Variants in EVI5 observed in about 807,000 individuals in gnomAD.
The protein encoded by EVI5 is ecotropic viral integration site 5 protein homolog.
In EVI5, 73 loss-of-function variants were observed where a neutral mutation model predicts 112.0. The observed-to-expected ratio is 0.65, with a 90% confidence interval of 0.54 to 0.79. The LOEUF (loss-of-function observed/expected upper bound fraction) is 0.79. EVI5 is among the 30% of genes least tolerant of loss of function. The pLI is 0.00. For synonymous variants in EVI5, 305 were observed against 319.9 expected, an observed-to-expected ratio of 0.95 and a Z score of 0.50; for missense variants, 900 against 968.8, an observed-to-expected ratio of 0.93 and a Z score of 0.94.
intron 9 of EVI5, among the ~76,000 whole-genome samples, chr1:92,686,852 T>G (rs11805229): frequency 0.2 from 30,004 of 152,080 alleles, 3,502 homozygotes; most frequent in Non-Finnish European, 0.26. Context: ...AAGGACCTCT[T>G]CAAGGAGAAC....
At chr1:92,672,510 C>T (rs1458774714) in intron 10 of EVI5, among the ~76,000 whole-genome samples, 1 of 152,196 alleles carries the variant, frequency 6.6e-6, no homozygotes, top group African/African-American at 2.4e-5. Flanking sequence ...AAATTTTCTA[C>T]CCAAACACTA....
chr1:92,536,372 G>C (rs978302598), intron 19 of EVI5, among the ~76,000 whole-genome samples: 2 of 152,186 alleles, frequency 1.3e-5, no homozygotes, highest in Middle Eastern at 6.8e-3. Context: ...AAGAAAACAG[G>C]AAACTGTCAT....
intron 18 of EVI5, among the ~76,000 whole-genome samples, chr1:92,586,210 C>G (rs989895298): frequency 6.6e-6 from 1 of 152,190 alleles, no homozygotes; most frequent in Non-Finnish European, 1.5e-5. Context: ...GGTTTCTCCA[C>G]TGTAAAGTTA....
chr1:92,537,271 T>C (rs1664060776), intron 19 of EVI5, among the ~76,000 whole-genome samples: 1 of 152,224 alleles, frequency 6.6e-6, no homozygotes, highest in African/African-American at 2.4e-5. Flanking sequence ...CTGAGTCATA[T>C]CAGATTATAA....
At chr1:92,728,242 G>C (rs1208525206) in intron 2 of EVI5, among the ~76,000 whole-genome samples, 1 of 151,966 alleles carries the variant, frequency 6.6e-6, no homozygotes, top group Non-Finnish European at 1.5e-5. Context: ...AATTTAAAAA[G>C]AAATAGATAA....
At chr1:92,551,807 C>A (rs1350842040) in intron 19 of EVI5, among the ~76,000 whole-genome samples, 9 of 151,934 alleles carry the variant, frequency 5.9e-5, no homozygotes, top group Non-Finnish European at 1.2e-4. Context: ...AAACCTGTCA[C>A]TACAGGCTTG....
chr1:92,644,993 G>A (rs1450607920), intron 13 of EVI5, among the ~76,000 whole-genome samples: 2 of 152,034 alleles, frequency 1.3e-5, no homozygotes, highest in East Asian at 3.9e-4. Flanking sequence ...CTGTTATTAG[G>A]TACAGTGTTC....
At chr1:92,740,333 A>T (rs1383413065) in intron 1 of EVI5, among the ~76,000 whole-genome samples, 5 of 152,136 alleles carry the variant, frequency 3.3e-5, no homozygotes, top group African/African-American at 1.2e-4. Flanking sequence ...CTTTTCCACC[A>T]CCACACCACA....
chr1:92,660,983 G>A (rs1663901026), intron 13 of EVI5, among the ~76,000 whole-genome samples: 1 of 151,892 alleles, frequency 6.6e-6, no homozygotes, highest in South Asian at 2.1e-4. Flanking sequence ...AGAGAGACCT[G>A]AGAAGGTCTA....
intron 1 of EVI5, among the ~76,000 whole-genome samples, chr1:92,760,846 G>A (rs1327587227): frequency 6.6e-6 from 1 of 151,968 alleles, no homozygotes; most frequent in Non-Finnish European, 1.5e-5. Context: ...CACGAAGTCA[G>A]GAGATCGAGA....
intron 6 of EVI5, among the ~76,000 whole-genome samples, chr1:92,697,429 T>A (rs1670486849): frequency 6.6e-6 from 1 of 151,324 alleles, no homozygotes; most frequent in Non-Finnish European, 1.5e-5. Flanking sequence ...GGAAAAAAAA[T>A]TACGGGCTAG....
chr1:92,740,103 G>A (rs1678125169), intron 1 of EVI5, among the ~76,000 whole-genome samples: 1 of 152,126 alleles, frequency 6.6e-6, no homozygotes, highest in African/African-American at 2.4e-5. Context: ...CTTAGAGCCA[G>A]GGAATATTTC....
At position 92,513,954 on chromosome 1, in the gene EVI5, C is replaced by T. The variant is rs763273910; in HGVS notation, c.2183G>A (p.Gly728Asp). The change falls in exon 20 of 20, where the codon GGC (glycine) becomes GAC (aspartate). Residue 728 changes from glycine to aspartate, a missense_variant. Transcript: ENST00000684568. ...AGGTTGGCCTGAGAAGCCCCTCTGG[C>T]CTTTTAGGCACCTGAGCTGTTAAAA... Reference protein sequence around the residue: ...ELNHELRCLKGQRGFSGQPPF... With the variant: ...ELNHELRCLKDQRGFSGQPPF... The T allele has an allele frequency of 6.4e-6, 10 of 1,564,630 alleles. No individual in the cohort carries two copies. The highest frequency in any genetic ancestry group is 8.7e-6 in the Non-Finnish European group (10 of 1,151,340).
intron 19 of EVI5, among the ~76,000 whole-genome samples, chr1:92,561,635 A>G (rs919694804): frequency 4.8e-5 from 7 of 147,050 alleles, no homozygotes; most frequent in Non-Finnish European, 9.0e-5. Context: ...CTATCTATCT[A>G]TCTATCTATC....
In EVI5 at chr1:92,514,222, C is replaced by T. The variant is rs183348417; in HGVS notation, c.2167-252G>A. 3.3e-5 allele frequency among the ~76,000 whole-genome samples: 5 copies of T among 152,148 alleles called. No homozygotes were observed. In the East Asian group the frequency reaches 5.8e-4, roughly 18 times the overall value. On this transcript the variant is annotated intron_variant, in intron 19 of 19. Coordinates refer to ENST00000684568, the MANE Select transcript of EVI5 (RefSeq NM_001350197.2). ...AGGCTGGAGTGCAGTGGTGCGATCT[C>T]GGCTCACTGCAACCTCCGCCTCCCA...
chr1:92,547,065 A>AG (rs1665846311), intron 19 of EVI5, among the ~76,000 whole-genome samples: 1 of 152,182 alleles, frequency 6.6e-6, no homozygotes, highest in Admixed American at 6.5e-5. Context: ...GCACCACTTC[A>AG]CACTTATTCC....
chr1:92,552,123 A>G (rs1023117203), intron 19 of EVI5, among the ~76,000 whole-genome samples: 5 of 4,344 alleles, frequency 1.2e-3, no homozygotes, highest in African/African-American at 2.7e-3. Context: ...GGCTGTAGGG[A>G]AAAAAAAAAA....
chr1:92,567,776 T>C (rs1669724065), intron 18 of EVI5, among the ~76,000 whole-genome samples: 1 of 152,224 alleles, frequency 6.6e-6, no homozygotes, highest in South Asian at 2.1e-4. Flanking sequence ...GATACAGTTA[T>C]CTAAGCCAAA....
At chr1:92,666,740 A>T (rs1664975099) in intron 10 of EVI5, among the ~76,000 whole-genome samples, 1 of 152,174 alleles carries the variant, frequency 6.6e-6, no homozygotes. Context: ...AAATACTCAC[A>T]TTCATCATTC....
Sources: allele counts gnomAD v4.1 joint callset (sites outside exome capture counted in the v4.1 genomes callset), GRCh38; gene constraint gnomAD v4.1.1; transcripts MANE v1.5; gene names NCBI Gene and HGNC (gene_info 2026-07-23, HGNC 2026-07-21).